The following PHLPP1 variants were observed in gnomAD, a reference collection of about 807,000 sequenced individuals.
PHLPP1 encodes PH domain and leucine rich repeat protein phosphatase 1, also known as PH domain leucine-rich repeat-containing protein phosphatase 1.
Under a neutral mutation model 117.2 loss-of-function variants are expected in PHLPP1, and 42 were observed. The observed-to-expected ratio is 0.36, with a 90% CI of 0.28 to 0.46. The LOEUF (loss-of-function observed/expected upper bound fraction) is 0.46. Among genes scored for constraint, PHLPP1 ranks in the 20% least tolerant of loss-of-function variants. PHLPP1 has a pLI of 1.00. For synonymous variants in PHLPP1, 1,042 were observed against 970.7 expected (o/e 1.07, Z -1.37); for missense variants, 2,084 against 2,241.9 (o/e 0.93, Z 1.42).
intron 2 of PHLPP1, 63 bp from the exon 3 acceptor site, chr18:62,838,721 G>A: frequency 1.9e-6 from 3 of 1,556,938 alleles, no homozygotes; most frequent in Non-Finnish European, 2.7e-6. Flanking sequence ...GGCATAGTTA[G>A]TGAAATACAT....
At chr18:62,934,656 A>G (rs1909916967) in intron 10 of PHLPP1, among the ~76,000 whole-genome samples, 2 of 152,186 alleles carry the variant, frequency 1.3e-5, no homozygotes, top group African/African-American at 4.8e-5. Flanking sequence ...AAATGCCAGC[A>G]TTACACAATT....
rs66530466 is a variant in PHLPP1 at position 62,940,354 on chromosome 18, C to CTTTTTTTT, written c.2961-1343_2961-1336dup. Among the ~76,000 whole-genome samples the CTTTTTTTT allele has an allele frequency of 7.1e-3, 333 of 46,878 alleles. 15 individuals are homozygous for CTTTTTTTT. The highest frequency in any genetic ancestry group is 8.6e-3 in the East Asian group (11 of 1,274). 30.8% of individuals were successfully genotyped at this position (46,878 alleles called of 152,430 possible). On this transcript the variant is annotated intron_variant, in intron 10 of 16. Coordinates refer to ENST00000262719, the MANE Select transcript of PHLPP1 (RefSeq NM_194449.4). ...ATCCACGTTTCTTTTTCTTTCTTTT[C>CTTTTTTTT]TTTTTTTTTTTTTTTTTTTTTTTTT...
intron 1 of PHLPP1, among the ~76,000 whole-genome samples, chr18:62,799,292 T>A (rs2144298074): frequency 6.6e-6 from 1 of 152,328 alleles, no homozygotes; most frequent in Middle Eastern, 3.4e-3. Flanking sequence ...CACTTACTAA[T>A]GGGGGCCACT....
intron 4 of PHLPP1, among the ~76,000 whole-genome samples, chr18:62,863,538 A>C (rs1169400105): frequency 6.6e-6 from 1 of 152,204 alleles, no homozygotes; most frequent in Non-Finnish European, 1.5e-5. Context: ...AAATATAATC[A>C]GTGGGGTAGA....
chr18:62,716,484 C>A lies in PHLPP1; in HGVS notation c.801C>A (p.Ala267=). ...AGCCCGCTGAACCGCCCCCCGAGGC[C>A]GGCCCCCGGCTGGCGCCCCCGGAGC... ...AREPAEPPPE[A]GPRLAPPEPR... Residue 267 remains alanine, a synonymous_variant, in exon 1 of 17, where the codon GCC becomes GCA. Transcript: ENST00000262719. This position sits in a 1 kb window ranked among gnomAD's most constrained non-coding sequence, Gnocchi z 5.7. 8.2e-7 allele frequency: 1 copy of A among 1,218,636 alleles called. No individual in the cohort carries two copies. The highest frequency in any genetic ancestry group is 1.0e-6 in the Non-Finnish European group (1 of 981,352). 75.5% of individuals were successfully genotyped at this position (1,218,636 alleles called of 1,614,324 possible). A position where few individuals can be genotyped will look rare whatever the true frequency, so the allele number is the denominator to read the frequency against.
intron 9 of PHLPP1, among the ~76,000 whole-genome samples, chr18:62,917,224 A>G (rs1909316217): frequency 7.1e-6 from 1 of 139,962 alleles, no homozygotes. Flanking sequence ...TTATATATTT[A>G]TATATATAAA....
intron 1 of PHLPP1, chr18:62,731,196 A>G (rs541333300): frequency 6.6e-6 from 1 of 152,092 alleles, no homozygotes; most frequent in Non-Finnish European, 1.5e-5. Flanking sequence ...GCAATATTTC[A>G]AAACTTTTCA....
chr18:62,792,806 C>CT (rs1913500310), intron 1 of PHLPP1, among the ~76,000 whole-genome samples: 1 of 142,384 alleles, frequency 7.0e-6, no homozygotes, highest in South Asian at 2.2e-4. Flanking sequence ...GTCAAGGCTG[C>CT]AGTGAACCAT....
At chr18:62,934,636 G>T (rs1909916143) in intron 10 of PHLPP1, among the ~76,000 whole-genome samples, 1 of 152,026 alleles carries the variant, frequency 6.6e-6, no homozygotes, top group Non-Finnish European at 1.5e-5. Context: ...CAAATATTTG[G>T]GTGATGCCTA....
chr18:62,874,296 T>C (rs1915981446), intron 4 of PHLPP1, among the ~76,000 whole-genome samples: 1 of 151,566 alleles, frequency 6.6e-6, no homozygotes, highest in Non-Finnish European at 1.5e-5. Flanking sequence ...TTACCTGAGG[T>C]CAGGAGTTTG....
At chr18:62,896,153 T>C (rs759458888) in intron 6 of PHLPP1, 142 bp downstream of exon 6, 3 of 612,120 alleles carry the variant, frequency 4.9e-6, no homozygotes, top group Non-Finnish European at 5.8e-6. Context: ...GGAAGAATTA[T>C]GATTAATAGT....
At chr18:62,930,477 C>T (rs1909775635) in intron 10 of PHLPP1, among the ~76,000 whole-genome samples, 1 of 151,820 alleles carries the variant, frequency 6.6e-6, no homozygotes, top group Non-Finnish European at 1.5e-5. Flanking sequence ...AAAAAAATTG[C>T]ATTATATAAT....
intron 1 of PHLPP1, among the ~76,000 whole-genome samples, chr18:62,829,616 G>A (rs1914700634): frequency 6.6e-6 from 1 of 152,168 alleles, no homozygotes; most frequent in South Asian, 2.1e-4. Context: ...TAGTCGTGTG[G>A]TGGCCGGCAC....
rs1326763400 is a variant in PHLPP1, at chr18:62,782,727, A to G, written c.1577-47308A>G. Among the ~76,000 whole-genome samples the G allele has an allele frequency of 3.3e-5, 5 of 152,296 alleles. No individual in the cohort carries two copies. In the South Asian group the frequency reaches 1.0e-3, roughly 32 times the overall value. On this transcript the variant is annotated intron_variant, in intron 1 of 16. Transcript: ENST00000262719. ...TAGGTAAGATAGGGATAAATCTCCT[A>G]TCCTATAAATTCTTACCTGTAAATT...
rs753320578 is a variant in PHLPP1 at position 62,941,742 on chromosome 18, G to A, written c.2985G>A (p.Ala995=). The A allele has an allele frequency of 3.7e-6, 6 of 1,613,086 alleles. No homozygotes were observed. Among genetic ancestry groups the A allele is most frequent in the Non-Finnish European group, 4.2e-6 (5 of 1,179,490 alleles). The change falls in exon 11 of 17, where the codon GCG becomes GCA. Residue 995 remains alanine (A), a synonymous_variant. Coordinates refer to ENST00000262719, the MANE Select transcript of PHLPP1 (RefSeq NM_194449.4). Reference sequence around the variant, plus strand: ...GCCTGAGATTCCTGAACGCCTCTGCGAACAAACTGGAAAGCCTTCCTCCAG... The same window carrying A: ...GCCTGAGATTCCTGAACGCCTCTGCAAACAAACTGGAAAGCCTTCCTCCAG... The part of the protein sequence containing the change: ...ADSLRFLNAS[A]NKLESLPPAT...
In PHLPP1 at chr18:62,738,445, C is replaced by T. The variant is rs539524347; in HGVS notation, c.1576+21186C>T. 2.5e-4 allele frequency among the ~76,000 whole-genome samples: 38 copies of T among 152,194 alleles called. No individual in the cohort carries two copies. The South Asian group carries it at 7.3e-3, about 29-fold the overall frequency. ...TAACAACTATTGGATATTTACATAG[C>T]GTTTACATTGTGTTAAGTATTATAA... On this transcript the variant is annotated intron_variant, in intron 1 of 16. Coordinates refer to ENST00000262719, the MANE Select transcript of PHLPP1 (RefSeq NM_194449.4).
At chr18:62,763,584 A>G (rs8094614) in intron 1 of PHLPP1, among the ~76,000 whole-genome samples, 32,034 of 152,094 alleles carry the variant, frequency 0.21, 4,971 homozygotes, top group African/African-American at 0.44. Context: ...CTACACAGCT[A>G]CTATTTCTGT....
At chr18:62,748,123 C>G (rs7233621) in intron 1 of PHLPP1, among the ~76,000 whole-genome samples, 32,331 of 152,096 alleles carry the variant, frequency 0.21, 6,458 homozygotes, top group African/African-American at 0.53. Context: ...CTCAACTATT[C>G]ACAGTACTAT....
At chr18:62,719,170 A>C (rs1012947278) in intron 1 of PHLPP1, among the ~76,000 whole-genome samples, 6 of 152,190 alleles carry the variant, frequency 3.9e-5, no homozygotes, top group African/African-American at 1.4e-4. Flanking sequence ...GTGCTTACAT[A>C]TACTCAGATG....
Sources: gnomAD v4.1 joint callset for allele counts (sites outside exome capture counted in the v4.1 genomes callset) on GRCh38, gnomAD v4.1.1 for gene constraint, Gnocchi (gnomAD v3.1) non-coding constraint, MANE v1.5 for transcripts, NCBI Gene and HGNC (gene_info 2026-07-23, HGNC 2026-07-21) for gene names.